Variants in MBD5 observed in about 807,000 individuals in gnomAD.
MBD5 encodes the protein methyl-CpG binding domain protein 5.
MBD5 carries 13 observed loss-of-function variants against 117.3 expected under a neutral mutation model. The observed-to-expected ratio is 0.11, with a 90% confidence interval of 0.07 to 0.18. The LOEUF (loss-of-function observed/expected upper bound fraction) is 0.18. MBD5 is among the 10% of genes least tolerant of loss of function. The probability of loss-of-function intolerance (pLI) is 1.00; values close to 1 mark genes in which losing one functional copy is unlikely to be tolerated. For missense variants in MBD5, 1,879 were observed against 2,093.8 expected (o/e 0.90, Z 2.00); for synonymous variants, 727 against 766.4 (o/e 0.95, Z 0.85).
At chr2:148,432,469 T>C (rs1706019377) in intron 4 of MBD5, among the ~76,000 whole-genome samples, 1 of 152,144 alleles carries the variant, frequency 6.6e-6, no homozygotes, top group Non-Finnish European at 1.5e-5. Context: ...TAGTATTTCC[T>C]AGGTTATCTT....
At chr2:148,294,793 A>C (rs1189263245) in intron 3 of MBD5, among the ~76,000 whole-genome samples, 1 of 152,168 alleles carries the variant, frequency 6.6e-6, no homozygotes, top group Non-Finnish European at 1.5e-5. Context: ...GGCGTGAGCC[A>C]CCACGTCCAG....
intron 1 of MBD5, among the ~76,000 whole-genome samples, chr2:148,156,232 T>C (rs1275377802): frequency 6.6e-6 from 1 of 152,244 alleles, no homozygotes; most frequent in Admixed American, 6.5e-5. Context: ...CCCTGCTGAC[T>C]TTAGATTAAA....
intron 3 of MBD5, among the ~76,000 whole-genome samples, chr2:148,252,243 G>A (rs547807432): frequency 6.6e-6 from 1 of 152,190 alleles, no homozygotes; most frequent in South Asian, 2.1e-4. Flanking sequence ...TAGGCTGATT[G>A]CTTGAGCCCA....
At chr2:148,194,613 GGT>G (rs1698920318) in intron 2 of MBD5, among the ~76,000 whole-genome samples, 1 of 103,498 alleles carries the variant, frequency 9.7e-6, no homozygotes, top group East Asian at 3.1e-4. Flanking sequence ...ACTGTGGTGG[GGT>G]CGGGGGAGGG....
At chr2:148,069,662 T>TTAAG (rs1456822264) in intron 1 of MBD5, among the ~76,000 whole-genome samples, 2 of 144,016 alleles carry the variant, frequency 1.4e-5, no homozygotes, top group African/African-American at 2.8e-5. Context: ...TTTTAATGTC[T>TTAAG]TAATTAATTA....
At chr2:148,358,337 A>T (rs561104067) in intron 4 of MBD5, among the ~76,000 whole-genome samples, 1 of 152,194 alleles carries the variant, frequency 6.6e-6, no homozygotes, top group Admixed American at 6.5e-5. Flanking sequence ...ACAGCCCAAG[A>T]TATAGGTAAT....
At chr2:148,283,799 A>C (rs1463311328) in intron 3 of MBD5, among the ~76,000 whole-genome samples, 1 of 152,180 alleles carries the variant, frequency 6.6e-6, no homozygotes, top group Non-Finnish European at 1.5e-5. Context: ...GGGAGCCCAG[A>C]AAAAAAGTTA....
rs1486758007 is a variant in MBD5 at position 148,470,255 on chromosome 2, G to A, written c.2312G>A (p.Ser771Asn). ...CHNANTNFVH[S>N]NSPVPNHHLA... ...AATGCAAACACTAACTTTGTTCACAGTAACAGTCCAGTCCCCAACCACCAT... is the reference window on the plus strand; with the variant it reads ...AATGCAAACACTAACTTTGTTCACAATAACAGTCCAGTCCCCAACCACCAT... The change falls in exon 8 of 14, where the codon AGT becomes AAT. Residue 771 changes from serine (S) to asparagine (N), a missense_variant. This residue lies in a region of MBD5 where 1,666 missense variants were observed against 1,792.2 expected (regional missense o/e 0.93). Transcript: ENST00000642680. 6.2e-7 allele frequency: 1 copy of A among 1,613,988 alleles called. No individual in the cohort carries two copies.
intron 3 of MBD5, among the ~76,000 whole-genome samples, chr2:148,237,866 G>A (rs1700124177): frequency 6.6e-6 from 1 of 152,094 alleles, no homozygotes; most frequent in Admixed American, 6.5e-5. Context: ...CCACAACCGT[G>A]CATTCTACCA....
In MBD5 at chr2:148,051,615, G is replaced by GTGTGTT. The variant is rs1337878956; in HGVS notation, c.-925+29936_-925+29937insTTGTGT. Among the ~76,000 whole-genome samples the GTGTGTT allele has an allele frequency of 1.9e-4, 12 of 63,586 alleles. No individual in the cohort carries two copies. In the Admixed American group the frequency reaches 2.4e-3, roughly 12 times the overall value. The allele number at this position is 63,586 out of a possible 152,430, so 41.7% of individuals were successfully genotyped here. On this transcript the variant is annotated intron_variant, in intron 1 of 13. Transcript: ENST00000642680. ...TGTTCTGTTTGTTGAGTGTGTGTGTGTGTGTGTGTGTGTGTGTGTGTGTGT... is the reference window on the plus strand; with the variant it reads ...TGTTCTGTTTGTTGAGTGTGTGTGTGTGTGTTTGTGTGTGTGTGTGTGTGTGTGTGT...
At position 148,470,396 on chromosome 2, in the gene MBD5, C is replaced by A; in HGVS notation, c.2453C>A (p.Thr818Lys). The change falls in exon 8 of 14, where the codon ACG becomes AAG. Residue 818 changes from threonine to lysine, a missense_variant. Physicochemically the swap from Thr to Lys is moderately conservative, Grantham distance 78 (BLOSUM62 -1). This residue lies in a region of MBD5 where 1,666 missense variants were observed against 1,792.2 expected (regional missense o/e 0.93). Coordinates refer to ENST00000642680, the MANE Select transcript of MBD5 (RefSeq NM_001378120.1). ...HPNPPQSRIS[T>K]SSTPVIPNSI... Reference sequence around the variant, plus strand: ...AATCCACCTCAGTCAAGAATTTCAACGTCCTCCACTCCAGTGATACCAAAC... The same window carrying A: ...AATCCACCTCAGTCAAGAATTTCAAAGTCCTCCACTCCAGTGATACCAAAC... The A allele has an allele frequency of 1.2e-6, 2 of 1,613,234 alleles. No homozygotes were observed. The highest frequency in any genetic ancestry group is 1.7e-6 in the Non-Finnish European group (2 of 1,179,476).
intron 1 of MBD5, among the ~76,000 whole-genome samples, chr2:148,038,459 T>C (rs1573938755): frequency 6.7e-6 from 1 of 149,714 alleles, no homozygotes; most frequent in East Asian, 2.0e-4. Context: ...TTTTTCTCGG[T>C]AAAGAAGGTT....
At chr2:148,398,972 G>A (rs1051755815) in intron 4 of MBD5, among the ~76,000 whole-genome samples, 5 of 152,140 alleles carry the variant, frequency 3.3e-5, no homozygotes, top group African/African-American at 1.2e-4. Flanking sequence ...TAGATATGTG[G>A]CATTATTTCT....
At chr2:148,123,597 A>G (rs1263866139) in intron 1 of MBD5, among the ~76,000 whole-genome samples, 1 of 152,166 alleles carries the variant, frequency 6.6e-6, no homozygotes, top group Admixed American at 6.5e-5. Flanking sequence ...TGTTCTTTGT[A>G]TGTTTAGTAT....
At chr2:148,295,029 T>C (rs1701616199) in intron 3 of MBD5, among the ~76,000 whole-genome samples, 1 of 152,364 alleles carries the variant, frequency 6.6e-6, no homozygotes, top group Non-Finnish European at 1.5e-5. Context: ...TATGATTCTC[T>C]CTGTCTTCAT....
At chr2:148,240,026 T>C (rs1293504151) in intron 3 of MBD5, among the ~76,000 whole-genome samples, 1 of 152,102 alleles carries the variant, frequency 6.6e-6, no homozygotes, top group African/African-American at 2.4e-5. Flanking sequence ...CAAATGTCCA[T>C]CAGTGATAGA....
At chr2:148,243,665 T>C (rs1197533160) in intron 3 of MBD5, 1 of 152,162 alleles carries the variant, frequency 6.6e-6, no homozygotes, top group Admixed American at 6.5e-5. Flanking sequence ...AAATTTTTTC[T>C]TACCCAAGGA....
chr2:148,087,916 T>C (rs1361410879), intron 1 of MBD5, among the ~76,000 whole-genome samples: 2 of 151,958 alleles, frequency 1.3e-5, no homozygotes, highest in African/African-American at 2.4e-5. Flanking sequence ...TATTAAGCTA[T>C]TCAAAGAGAT....
intron 8 of MBD5, among the ~76,000 whole-genome samples, chr2:148,475,406 G>A (rs1277458656): frequency 6.6e-6 from 1 of 151,552 alleles, no homozygotes; most frequent in African/African-American, 2.4e-5. Flanking sequence ...CTAATATCAG[G>A]GTTTCACCAC....
Sources: allele counts gnomAD v4.1 joint callset (sites outside exome capture counted in the v4.1 genomes callset), GRCh38; gene constraint gnomAD v4.1.1; regional missense constraint gnomAD v4.1.1; transcripts MANE v1.5; gene names NCBI Gene and HGNC (gene_info 2026-07-23, HGNC 2026-07-21).